UGT1A8: variants seen among roughly 807,000 people sequenced by gnomAD.
The protein encoded by UGT1A8 is UDP-glucuronosyltransferase 1A8.
UGT1A8 carries 39 observed loss-of-function variants against 45.3 expected under a neutral mutation model. The observed-to-expected ratio is 0.86, with a 90% confidence interval of 0.67 to 1.12. UGT1A8 has a LOEUF of 1.12. Among genes scored for constraint, UGT1A8 ranks in the 50% most tolerant of loss-of-function variants. UGT1A8 has a pLI of 0.00. For synonymous variants in UGT1A8, 275 were observed against 249.2 expected (o/e 1.10, Z -0.97); for missense variants, 719 against 664.9 (o/e 1.08, Z -0.90).
At chr2:233,682,424 C>T (rs529928629) in intron 1 of UGT1A8, 1 of 1,613,868 alleles carries the variant, frequency 6.2e-7, no homozygotes, top group African/African-American at 1.3e-5. Context: ...ATATTTCTCC[C>T]TCCCCTCTGT....
intron 1 of UGT1A8, chr2:233,742,967 A>G (rs764495397): frequency 2.3e-5 from 5 of 219,774 alleles, no homozygotes; most frequent in African/African-American, 4.7e-5. Context: ...TGTCTGCCTC[A>G]GGCTTAAGTT....
At chr2:233,767,759 AG>A in intron 2 of UGT1A8, 89 bp from the exon 3 acceptor site, 5 of 1,604,854 alleles carry the variant, frequency 3.1e-6, no homozygotes, top group Non-Finnish European at 4.3e-6. Flanking sequence ...GTTCCTTCAG[AG>A]GACCCCTGTT....
intron 1 of UGT1A8, among the ~76,000 whole-genome samples, chr2:233,735,528 T>A (rs1193840651): frequency 1.3e-5 from 2 of 152,238 alleles, no homozygotes; most frequent in African/African-American, 4.8e-5. Flanking sequence ...TAAATATTGT[T>A]ATGAGTGAAT....
chr2:233,722,936 C>A (rs1348734383), intron 1 of UGT1A8, among the ~76,000 whole-genome samples: 1 of 147,750 alleles, frequency 6.8e-6, no homozygotes, highest in Non-Finnish European at 1.5e-5. Flanking sequence ...TGTCTCCATG[C>A]TGAGTGGGCT....
chr2:233,651,271 C>G (rs1442816627), intron 1 of UGT1A8, among the ~76,000 whole-genome samples: 1 of 152,166 alleles, frequency 6.6e-6, no homozygotes, highest in Admixed American at 6.5e-5. Context: ...TGAACCCACA[C>G]TGAGTTCCTT....
chr2:233,661,057 A>AC (rs1455769609), intron 1 of UGT1A8, among the ~76,000 whole-genome samples: 1 of 152,088 alleles, frequency 6.6e-6, no homozygotes, highest in Non-Finnish European at 1.5e-5. Flanking sequence ...TAACCATCCT[A>AC]CACCCACATA....
At chr2:233,644,200 G>A (rs1193782566) in intron 1 of UGT1A8, among the ~76,000 whole-genome samples, 7 of 152,144 alleles carry the variant, frequency 4.6e-5, no homozygotes, top group Admixed American at 2.6e-4. Flanking sequence ...TTTGGCCCTC[G>A]GTGGTGAGGT....
intron 1 of UGT1A8, among the ~76,000 whole-genome samples, chr2:233,642,221 C>A (rs565533183): frequency 2.8e-4 from 43 of 152,262 alleles, no homozygotes; most frequent in Non-Finnish European, 4.4e-4. Context: ...TTTGTCTCCT[C>A]TGACCATGTA....
chr2:233,731,097 C>G (rs1453448635), intron 1 of UGT1A8, among the ~76,000 whole-genome samples: 1 of 151,946 alleles, frequency 6.6e-6, no homozygotes, highest in African/African-American at 2.4e-5. Flanking sequence ...ATTTCTGTGC[C>G]TTTTTTATAA....
chr2:233,759,839 C>T (rs1697267219), intron 1 of UGT1A8, among the ~76,000 whole-genome samples: 1 of 152,144 alleles, frequency 6.6e-6, no homozygotes, highest in South Asian at 2.1e-4. Context: ...AGTGGGCACT[C>T]TTACAGGTTT....
chr2:233,635,673 G>A (rs2073272719), intron 1 of UGT1A8, among the ~76,000 whole-genome samples: 1 of 150,880 alleles, frequency 6.6e-6, no homozygotes. Flanking sequence ...AAAACACAGA[G>A]ATGGCATCAC....
intron 1 of UGT1A8, chr2:233,760,404 C>T (rs1211296854): frequency 1.2e-6 from 2 of 1,614,220 alleles, no homozygotes; most frequent in Non-Finnish European, 8.5e-7. Flanking sequence ...ATGGCAGCCA[C>T]TGGCTGAGCA....
chr2:233,766,272 G>C (rs1351320268), intron 1 of UGT1A8, among the ~76,000 whole-genome samples: 4 of 68,008 alleles, frequency 5.9e-5, no homozygotes, highest in Admixed American at 5.5e-4. Flanking sequence ...CCCGGGCTCG[G>C]TGGCCCGGGC....
chr2:233,633,452 G>C (rs1323406034), intron 1 of UGT1A8, among the ~76,000 whole-genome samples: 1 of 152,156 alleles, frequency 6.6e-6, no homozygotes, highest in African/African-American at 2.4e-5. Context: ...GGTGTTTTTG[G>C]TGGGTAGGCT....
intron 1 of UGT1A8, chr2:233,729,964 A>G: frequency 6.2e-7 from 1 of 1,614,074 alleles, no homozygotes; most frequent in East Asian, 2.2e-5. Context: ...TGGGGGCATC[A>G]ACTGTGCCAA....
chr2:233,757,562 G>GTATATA (rs1491042837), intron 1 of UGT1A8, among the ~76,000 whole-genome samples: 1 of 90,870 alleles, frequency 1.1e-5, no homozygotes, highest in African/African-American at 5.1e-5. Flanking sequence ...ATATATATAT[G>GTATATA]TATATATGAT....
intron 1 of UGT1A8, chr2:233,637,207 G>T (rs777936972): frequency 2.9e-5 from 47 of 1,613,804 alleles, no homozygotes; most frequent in Non-Finnish European, 8.5e-7. Context: ...AAATGCCCTA[G>T]AAATAGCCTC....
intron 1 of UGT1A8, among the ~76,000 whole-genome samples, chr2:233,734,366 T>C (rs578211263): frequency 4.6e-5 from 7 of 152,208 alleles, no homozygotes; most frequent in Non-Finnish European, 1.0e-4. Flanking sequence ...GGATCGGTGG[T>C]GATATTGCCT....
intron 1 of UGT1A8, among the ~76,000 whole-genome samples, chr2:233,624,424 C>T (rs1434282663): frequency 1.3e-5 from 2 of 151,972 alleles, no homozygotes; most frequent in African/African-American, 2.4e-5. Context: ...TAGGAAGATG[C>T]GGAGGTCTTT....
Sources: gnomAD v4.1 joint callset for allele counts (sites outside exome capture counted in the v4.1 genomes callset) on GRCh38, gnomAD v4.1.1 for gene constraint, MANE v1.5 for transcripts, NCBI Gene and HGNC (gene_info 2026-07-23, HGNC 2026-07-21) for gene names.